Variants in GALNT17 observed in about 807,000 individuals in gnomAD.
GALNT17 encodes the protein UDP-GalNAc:polypeptide N-acetylgalactosaminyltransferase-like 3.
GALNT17 carries 29 observed loss-of-function variants against 63.7 expected under a neutral mutation model. That is an observed-to-expected ratio of 0.46 (90% CI 0.34 to 0.62). GALNT17 has a LOEUF of 0.62. GALNT17 is among the 20% of genes least tolerant of loss of function. GALNT17 has a pLI of 0.01. For synonymous variants in GALNT17, 305 were observed against 318.3 expected, an observed-to-expected ratio of 0.96 and a Z score of 0.45; for missense variants, 603 against 799.6, an observed-to-expected ratio of 0.75 and a Z score of 2.97.
chr7:71,692,369 G>A (rs1435248108), intron 9 of GALNT17, among the ~76,000 whole-genome samples: 2 of 152,020 alleles, frequency 1.3e-5, no homozygotes, highest in African/African-American at 4.8e-5. Flanking sequence ...GAAATATATT[G>A]ATTTGTTAGG....
chr7:71,628,682 G>A (rs995181550), intron 6 of GALNT17, among the ~76,000 whole-genome samples: 1 of 151,946 alleles, frequency 6.6e-6, no homozygotes, highest in Non-Finnish European at 1.5e-5. Flanking sequence ...TGTAATTCCA[G>A]CACTTTGGGA....
chr7:71,219,426 T>C (rs1789544614), intron 1 of GALNT17, among the ~76,000 whole-genome samples: 1 of 152,198 alleles, frequency 6.6e-6, no homozygotes, highest in African/African-American at 2.4e-5. Flanking sequence ...ATCTCTGTTA[T>C]CTCTTTCTGG....
chr7:71,615,029 G>C (rs997910137), intron 6 of GALNT17, among the ~76,000 whole-genome samples: 1 of 152,170 alleles, frequency 6.6e-6, no homozygotes, highest in Non-Finnish European at 1.5e-5. Context: ...ACGGATTACT[G>C]TTTGTTGCCA....
At chr7:71,460,467 T>G (rs1033580138) in intron 5 of GALNT17, among the ~76,000 whole-genome samples, 2 of 152,258 alleles carry the variant, frequency 1.3e-5, no homozygotes, top group Admixed American at 1.3e-4. Flanking sequence ...TGATGGACCT[T>G]TTGAAGGATA....
intron 2 of GALNT17, among the ~76,000 whole-genome samples, chr7:71,372,529 G>A (rs992836629): frequency 1.3e-5 from 2 of 152,096 alleles, no homozygotes; most frequent in Non-Finnish European, 2.9e-5. Context: ...ACAGCTCTCT[G>A]CAACCTCTTC....
chr7:71,269,433 C>G (rs1207014415), intron 1 of GALNT17, among the ~76,000 whole-genome samples: 2 of 152,158 alleles, frequency 1.3e-5, no homozygotes, highest in Non-Finnish European at 2.9e-5. Context: ...CGCCACTGTA[C>G]TTCAGGTTGG....
chr7:71,536,106 C>A (rs1431779975), intron 5 of GALNT17, among the ~76,000 whole-genome samples: 4 of 152,268 alleles, frequency 2.6e-5, no homozygotes, highest in Middle Eastern at 3.4e-3. Context: ...AGATTAAAGA[C>A]CAAATATCAG....
At chr7:71,364,018 C>T (rs78737056) in intron 2 of GALNT17, among the ~76,000 whole-genome samples, 3,266 of 152,188 alleles carry the variant, frequency 0.021, 94 homozygotes, top group African/African-American at 0.074. Flanking sequence ...TACATATATA[C>T]ATGTTTTTTT....
intron 1 of GALNT17, among the ~76,000 whole-genome samples, chr7:71,296,786 A>G (rs1024518783): frequency 6.6e-6 from 1 of 152,058 alleles, no homozygotes; most frequent in Non-Finnish European, 1.5e-5. Flanking sequence ...GATATTTAAT[A>G]TAGCATGTGT....
chr7:71,181,884 GAA>G (rs11347622), intron 1 of GALNT17, among the ~76,000 whole-genome samples: 14 of 141,016 alleles, frequency 9.9e-5, no homozygotes, highest in African/African-American at 3.0e-4. Context: ...CTCTTAAAAG[GAA>G]AAAAAAAAGG....
rs568294437 is a variant in GALNT17, at chr7:71,352,259, T to C, written c.422+16526T>C. On this transcript the variant is annotated intron_variant, in intron 2 of 10. Transcript: ENST00000333538. ...AAGCAGTGCCTTTTACCTTCTGCCA[T>C]GACTGTGTGGCCTCCCCAGCCATGT... Among the ~76,000 whole-genome samples the C allele has an allele frequency of 6.6e-5, 10 of 152,324 alleles. No homozygotes were observed. The East Asian group carries it at 1.5e-3, about 24-fold the overall frequency.
chr7:71,528,543 A>C (rs1342502265), intron 5 of GALNT17, among the ~76,000 whole-genome samples: 1 of 152,152 alleles, frequency 6.6e-6, no homozygotes, highest in Non-Finnish European at 1.5e-5. Flanking sequence ...CCCAGGCCAA[A>C]GAGTAGTACC....
At chr7:71,352,554 T>A (rs184344144) in intron 2 of GALNT17, among the ~76,000 whole-genome samples, 3 of 152,286 alleles carry the variant, frequency 2.0e-5, no homozygotes, top group East Asian at 3.9e-4. Flanking sequence ...TGATTTGATG[T>A]TTAGTCATAT....
chr7:71,162,627 C>T lies in GALNT17; in HGVS notation c.238+29587C>T, dbSNP rs139503797. Among the ~76,000 whole-genome samples, 505 of 152,310 alleles carry T rather than the reference C, an allele frequency of 3.3e-3. 3 individuals carry two copies. Among genetic ancestry groups the T allele is most frequent in the Non-Finnish European group, 5.9e-3 (402 of 68,032 alleles). ...TCACCCGTGAAGTCAGCCTTGCATC[C>T]ATCCATCCATTCATCCATGGATACC... On this transcript the variant is annotated intron_variant, in intron 1 of 10. Transcript: ENST00000333538.
chr7:71,156,028 G>A (rs1402157943), intron 1 of GALNT17, among the ~76,000 whole-genome samples: 1 of 151,620 alleles, frequency 6.6e-6, no homozygotes, highest in Non-Finnish European at 1.5e-5. Flanking sequence ...GAAACCCTGT[G>A]TCTACTAAAA....
intron 5 of GALNT17, among the ~76,000 whole-genome samples, chr7:71,511,291 A>G (rs1467270188): frequency 6.6e-6 from 1 of 152,128 alleles, no homozygotes; most frequent in African/African-American, 2.4e-5. Context: ...TTTGGCAAGG[A>G]TCAGATAGGA....
intron 6 of GALNT17, among the ~76,000 whole-genome samples, chr7:71,619,965 C>T (rs984536454): frequency 3.3e-5 from 5 of 152,066 alleles, no homozygotes; most frequent in Admixed American, 6.6e-5. Flanking sequence ...TATGTTCATT[C>T]GATGTCTTGT....
chr7:71,357,090 GGA>G (rs1792300521), intron 2 of GALNT17, among the ~76,000 whole-genome samples: 1 of 152,044 alleles, frequency 6.6e-6, no homozygotes. Context: ...CTGGCCAGTG[GGA>G]GTGTTTTTTG....
intron 9 of GALNT17, among the ~76,000 whole-genome samples, chr7:71,689,148 T>C (rs1791405427): frequency 6.6e-6 from 1 of 152,076 alleles, no homozygotes; most frequent in South Asian, 2.1e-4. Flanking sequence ...ACGGCTCCAC[T>C]GTTGGGCCAT....
Sources: gnomAD v4.1 joint callset for allele counts (sites outside exome capture counted in the v4.1 genomes callset) on GRCh38, gnomAD v4.1.1 for gene constraint, MANE v1.5 for transcripts, NCBI Gene and HGNC (gene_info 2026-07-23, HGNC 2026-07-21) for gene names.